Variants in TYW3 observed in about 807,000 individuals in gnomAD.
TYW3 encodes the protein tRNA-yW synthesizing protein 3 homolog.
TYW3 carries 26 observed loss-of-function variants against 23.1 expected under a neutral mutation model. That is an observed-to-expected ratio of 1.13 (90% CI 0.83 to 1.56). The LOEUF is 1.56. Among genes scored for constraint, TYW3 ranks in the 40% most tolerant of loss-of-function variants. The probability of loss-of-function intolerance (pLI) is 0.00; values close to 1 mark genes in which losing one functional copy is unlikely to be tolerated. For missense variants in TYW3, 316 were observed against 311.9 expected (o/e 1.01, Z -0.10); for synonymous variants, 102 against 105.7 (o/e 0.97, Z 0.21).
intron 3 of TYW3, among the ~76,000 whole-genome samples, chr1:74,740,893 A>C (rs957188477): frequency 6.6e-6 from 1 of 152,226 alleles, no homozygotes; most frequent in Admixed American, 6.5e-5. Flanking sequence ...CTTGACCCAG[A>C]AAGTCCAGCT....
rs545333012 is a variant in TYW3, at chr1:74,747,162, A to G, written c.355-1589A>G. On this transcript the variant is annotated intron_variant, in intron 3 of 5. Coordinates refer to ENST00000370867, the MANE Select transcript of TYW3 (RefSeq NM_138467.3). ...AGACTCCTCCAGAAGTTAAGGAGAGAGGTGATGGAGACTTGAAAAAGAGTG... is the reference window on the plus strand; with the variant it reads ...AGACTCCTCCAGAAGTTAAGGAGAGGGGTGATGGAGACTTGAAAAAGAGTG... Among the ~76,000 whole-genome samples, 208 of 152,302 alleles carry G rather than the reference A, an allele frequency of 1.4e-3. 2 individuals carry two copies. The highest frequency in any genetic ancestry group is 4.9e-3 in the African/African-American group (203 of 41,564).
chr1:74,762,234 T>C (rs75766926), intron 5 of TYW3, among the ~76,000 whole-genome samples: 1 of 152,240 alleles, frequency 6.6e-6, no homozygotes, highest in African/African-American at 2.4e-5. Context: ...TTTAGGAATA[T>C]GTGGATATTT....
chr1:74,760,910 A>G (rs757294436), intron 5 of TYW3, among the ~76,000 whole-genome samples: 2 of 152,268 alleles, frequency 1.3e-5, no homozygotes, highest in African/African-American at 4.8e-5. Flanking sequence ...TTGAAAAACA[A>G]GAATTCATTT....
rs1173479673 is a variant in TYW3, at chr1:74,766,602, A to C, written c.*2489A>C. On this transcript the variant is annotated 3_prime_UTR_variant, in exon 6 of 6. Transcript: ENST00000370867. ...ACCAAAGAGTCAAAAAGTTTTAAGA[A>C]ATTAAAGTTTATAAACCAAATGTTC... 2.0e-5 allele frequency: 3 copies of C among 152,226 alleles called. No individual in the cohort carries two copies. Among genetic ancestry groups the C allele is most frequent in the Non-Finnish European group, 4.4e-5 (3 of 68,028 alleles). 9.4% of individuals were successfully genotyped at this position (152,226 alleles called of 1,614,324 possible).
intron 1 of TYW3, 104 bp downstream of exon 1, chr1:74,733,522 C>T: frequency 2.7e-6 from 4 of 1,491,516 alleles, no homozygotes; most frequent in South Asian, 1.4e-5. Flanking sequence ...TGTGTTTGCT[C>T]CTCTGAGGGG....
chr1:74,743,628 A>G (rs28767547), intron 3 of TYW3, among the ~76,000 whole-genome samples: 59,763 of 151,990 alleles, frequency 0.39, 14,403 homozygotes, highest in Non-Finnish European at 0.55. Context: ...TAGTCCTTCT[A>G]GAACACATGT....
intron 5 of TYW3, among the ~76,000 whole-genome samples, chr1:74,761,064 T>C (rs1570083090): frequency 3.2e-5 from 2 of 63,244 alleles, no homozygotes; most frequent in African/African-American, 7.0e-5. Context: ...CTGAACATAC[T>C]TTTTTTTTTT....
In TYW3 at chr1:74,734,672, A is replaced by G. The variant is rs574731971; in HGVS notation, c.174+1254A>G. Among the ~76,000 whole-genome samples, 36 of 152,302 alleles carry G rather than the reference A, an allele frequency of 2.4e-4. No individual in the cohort carries two copies. In the South Asian group the frequency reaches 7.5e-3, roughly 32 times the overall value. On this transcript the variant is annotated intron_variant, in intron 1 of 5. Transcript: ENST00000370867. The stretch of plus-strand genomic sequence containing the variant: ...CTGAGGATAAGGCTGCTTGGGAGTG[A>G]TACTGCTTAGATTAAAAACCACGGG...
chr1:74,740,648 A>G (rs1254913974), intron 3 of TYW3, among the ~76,000 whole-genome samples: 5 of 145,722 alleles, frequency 3.4e-5, no homozygotes, highest in Non-Finnish European at 6.1e-5. Flanking sequence ...TGCGTTTACA[A>G]TCCTTTAGCT....
intron 4 of TYW3, among the ~76,000 whole-genome samples, chr1:74,750,854 C>T (rs1460515501): frequency 8.2e-6 from 1 of 121,472 alleles, no homozygotes; most frequent in Middle Eastern, 7.9e-3. Context: ...ATTGCCCAGA[C>T]TGTAGTGCAA....
Position 74,736,525 on chromosome 1 carries a change from GTTA to G in TYW3, c.175-14_175-12del. On this transcript the variant is annotated splice_polypyrimidine_tract_variant and intron_variant, in intron 1 of 5. Transcript: ENST00000370867. ...AAATATTATATGAAACTTAAATTAT[GTTA>G]TTTTTTATTTTAGGGTATAAATGGT... The G allele has an allele frequency of 1.3e-6, 2 of 1,559,172 alleles. No individual in the cohort carries two copies. The highest frequency in any genetic ancestry group is 2.5e-5 in the South Asian group (2 of 80,678).
chr1:74,738,771 C>A lies in TYW3; in HGVS notation c.337C>A (p.Gln113Lys), dbSNP rs1364443482. 1 of 1,609,270 alleles carries A rather than the reference C, an allele frequency of 6.2e-7. No individual in the cohort carries two copies. The highest frequency in any genetic ancestry group is 8.5e-7 in the Non-Finnish European group (1 of 1,176,510). ...TCTTCATGTGCAGTGTCGACAATTG[C>A]AGGATGCACAGATTCTGGTAAAATT... ...FVLHVQCRQL[Q>K]DAQILHSMAI... Residue 113 changes from glutamine to lysine, a missense_variant, in exon 3 of 6, where the codon CAG becomes AAG. Gln to Lys is a moderately conservative substitution (Grantham distance 53). Coordinates refer to ENST00000370867, the MANE Select transcript of TYW3 (RefSeq NM_138467.3).
In TYW3 at chr1:74,765,551, G is replaced by A. The variant is rs931832090; in HGVS notation, c.*1438G>A. On this transcript the variant is annotated 3_prime_UTR_variant, in exon 6 of 6. Coordinates refer to ENST00000370867, the MANE Select transcript of TYW3 (RefSeq NM_138467.3). Reference sequence around the variant, plus strand: ...GAAAGGGAACTCACAGTGTCGGAATGCCTGGAGCATTTCTTCTAGTCTGGT... The same window carrying A: ...GAAAGGGAACTCACAGTGTCGGAATACCTGGAGCATTTCTTCTAGTCTGGT... The A allele has an allele frequency of 6.6e-6, 1 of 152,058 alleles. No individual in the cohort carries two copies. The highest frequency in any genetic ancestry group is 2.4e-5 in the African/African-American group (1 of 41,424). The allele number at this position is 152,058 out of a possible 1,614,324, so 9.4% of individuals were successfully genotyped here. A position where few individuals can be genotyped will look rare whatever the true frequency, so the allele number is the denominator to read the frequency against.
chr1:74,736,382 G>A (rs1169283703), intron 1 of TYW3, 160 bp from the exon 2 acceptor site: 1 of 460,910 alleles, frequency 2.2e-6, no homozygotes. Flanking sequence ...TCTTATTCTG[G>A]GTTAACATTA....
intron 3 of TYW3, among the ~76,000 whole-genome samples, chr1:74,741,274 A>G (rs1030313056): frequency 6.6e-6 from 1 of 152,192 alleles, no homozygotes; most frequent in African/African-American, 2.4e-5. Flanking sequence ...TTTCCTCAGG[A>G]TCAGAGGTAA....
At chr1:74,762,415 A>C (rs1304343207) in intron 5 of TYW3, among the ~76,000 whole-genome samples, 1 of 152,116 alleles carries the variant, frequency 6.6e-6, no homozygotes, top group Non-Finnish European at 1.5e-5. Flanking sequence ...CTGCAGTGGC[A>C]GGGGGGTTTC....
At chr1:74,750,765 C>T (rs61790739) in intron 4 of TYW3, among the ~76,000 whole-genome samples, 58,091 of 147,462 alleles carry the variant, frequency 0.39, 14,027 homozygotes, top group Non-Finnish European at 0.55. Context: ...GTGCCTCTGG[C>T]TGGAGTTCTT....
intron 3 of TYW3, among the ~76,000 whole-genome samples, chr1:74,739,420 C>A (rs144436505): frequency 1.7e-3 from 265 of 152,256 alleles, no homozygotes; most frequent in African/African-American, 5.9e-3. Context: ...AAAAAACAAC[C>A]TGGTAATAGA....
At chr1:74,741,467 A>G (rs1223195130) in intron 3 of TYW3, among the ~76,000 whole-genome samples, 3 of 152,078 alleles carry the variant, frequency 2.0e-5, no homozygotes, top group Non-Finnish European at 4.4e-5. Context: ...CACTCCTGCC[A>G]TCTTAACTGC....
Sources: allele counts gnomAD v4.1 joint callset (sites outside exome capture counted in the v4.1 genomes callset), GRCh38; gene constraint gnomAD v4.1.1; transcripts MANE v1.5; gene names NCBI Gene and HGNC (gene_info 2026-07-23, HGNC 2026-07-21).